The following UTP15 variants were observed in gnomAD, a reference collection of about 807,000 sequenced individuals.
UTP15 encodes U3 small nucleolar RNA-associated protein 15 homolog.
UTP15 carries 5 observed loss-of-function variants against 59.1 expected under a neutral mutation model. The ratio of observed to expected loss-of-function variants is 0.08; its 90% CI spans 0.04 to 0.18. UTP15 has a LOEUF of 0.18. UTP15 is among the 10% of genes least tolerant of loss of function. The pLI, the probability that UTP15 is intolerant of heterozygous loss-of-function variation, is 1.00. For missense variants in UTP15, 494 were observed against 616.7 expected, an observed-to-expected ratio of 0.80 and a Z score of 2.11; for synonymous variants, 211 against 212.2, an observed-to-expected ratio of 0.99 and a Z score of 0.05.
At position 73,572,532 on chromosome 5, in the gene UTP15, A is replaced by G. The variant is rs16870609; in HGVS notation, c.717A>G (p.Gln239=). The G allele has an allele frequency of 4.3e-3, 7,015 of 1,614,154 alleles. 237 individuals carry two copies. In the African/African-American group the frequency reaches 0.078, roughly 18 times the overall value. ...TCTGGGACATGTTAAAAGGAGGACA[A>G]TTGCTAGTATCTTTGAAAAATCATC... ...VKVWDMLKGG[Q]LLVSLKNHHK... is the part of the protein sequence containing the mutation. The change falls in exon 7 of 13, where the codon CAA becomes CAG. Residue 239 remains glutamine, a synonymous_variant. Coordinates refer to ENST00000296792, the MANE Select transcript of UTP15 (RefSeq NM_032175.4).
rs1266315892 is a variant in UTP15 at position 73,579,370 on chromosome 5, T to C, written c.1334T>C (p.Ile445Thr). 1 of 1,605,540 alleles carries C rather than the reference T, an allele frequency of 6.2e-7. No homozygotes were observed. The highest frequency in any genetic ancestry group is 8.5e-7 in the Non-Finnish European group (1 of 1,176,438). The change falls in exon 12 of 13, where the codon ATT becomes ACT. Residue 445 changes from isoleucine to threonine, a missense_variant. By Grantham distance (89) the Ile-to-Thr change is moderately conservative. Transcript: ENST00000296792. ...GTTTTAATCAATGCTGCTGAAATAATTATTGGTAAGTCATTGTTAAAACTT... is the reference window on the plus strand; with the variant it reads ...GTTTTAATCAATGCTGCTGAAATAACTATTGGTAAGTCATTGTTAAAACTT... Reference protein sequence around the residue: ...APVLINAAEIIIDIYLPVIGQ... With the variant: ...APVLINAAEITIDIYLPVIGQ...
chr5:73,579,082 A>C lies in UTP15; in HGVS notation c.1212A>C (p.Gly404=), dbSNP rs343122. ...VSIIKELNRR[G]VLANALAGRD... ...TCATAAAGGAGTTAAATCGAAGAGG[A>C]GTCCTTGCAAATGCGCTTGCAGGTC... is the stretch of plus-strand genomic sequence containing the variant. The change falls in exon 11 of 13, where the codon GGA becomes GGC. Residue 404 remains glycine, a synonymous_variant. Transcript: ENST00000296792. 0.21 allele frequency: 337,534 copies of C among 1,613,698 alleles called. 37,580 individuals are homozygous for C. Among genetic ancestry groups the C allele is most frequent in the Non-Finnish European group, 0.23 (271,151 of 1,179,728 alleles).
At chr5:73,579,758 AAGTAC>A (rs1462161362) in intron 12 of UTP15, 114 bp from the exon 13 acceptor site, 13 of 530,926 alleles carry the variant, frequency 2.4e-5, no homozygotes, top group South Asian at 1.9e-4. Flanking sequence ...ATTATAAAAT[AAGTAC>A]AGATTTTTCA....
intron 7 of UTP15, among the ~76,000 whole-genome samples, chr5:73,572,856 G>T (rs1747980616): frequency 6.6e-6 from 1 of 152,020 alleles, no homozygotes; most frequent in Non-Finnish European, 1.5e-5. Flanking sequence ...GGAGTGCAGT[G>T]GTGCAATCTC....
Position 73,574,776 on chromosome 5 carries a change from G to A in UTP15, c.809+2152G>A, listed in dbSNP as rs140166815. 5.8e-3 allele frequency among the ~76,000 whole-genome samples: 882 copies of A among 152,200 alleles called. 10 individuals are homozygous for A. The highest frequency in any genetic ancestry group is 8.1e-3 in the Non-Finnish European group (548 of 68,006). On this transcript the variant is annotated intron_variant, in intron 7 of 12. Transcript: ENST00000296792. ...TGCTGGATTACTGGCGTGAGCCACC[G>A]TGCCCGGCTTACATGATCTATTTTT...
chr5:73,571,362 A>G (rs1747927287), intron 6 of UTP15, among the ~76,000 whole-genome samples: 1 of 151,800 alleles, frequency 6.6e-6, no homozygotes, highest in Non-Finnish European at 1.5e-5. Flanking sequence ...TGTGGCCTCA[A>G]AAGGGGCCTT....
At position 73,580,616 on chromosome 5, in the gene UTP15, C is replaced by G. The variant is rs536962452; in HGVS notation, c.*522C>G. Reference sequence around the variant, plus strand: ...CTTGATATCTACACTTGTCTTAGATCACATGCCCTGCTTCAGCTGGTAATG... The same window carrying G: ...CTTGATATCTACACTTGTCTTAGATGACATGCCCTGCTTCAGCTGGTAATG... On this transcript the variant is annotated 3_prime_UTR_variant, in exon 13 of 13. Transcript: ENST00000296792. 6.5e-6 allele frequency: 1 copy of G among 152,700 alleles called. No homozygotes were observed. The highest frequency in any genetic ancestry group is 2.4e-5 in the African/African-American group (1 of 41,592). The allele number at this position is 152,700 out of a possible 1,614,324, so 9.5% of individuals were successfully genotyped here.
chr5:73,570,671 T>G lies in UTP15; in HGVS notation c.633T>G (p.Ser211Arg). The G allele has an allele frequency of 6.2e-7, 1 of 1,614,108 alleles. No individual in the cohort carries two copies. Among genetic ancestry groups the G allele is most frequent in the Non-Finnish European group, 8.5e-7 (1 of 1,180,006 alleles). The change falls in exon 6 of 13, where the codon AGT becomes AGG. Residue 211 changes from serine (S) to arginine (R), a missense_variant. Physicochemically the swap from Ser to Arg is moderately radical, Grantham distance 110. Transcript: ENST00000296792. ...LSVEHGQPVE[S>R]VLLFPSGGLL... ...TTGAGCATGGGCAGCCAGTGGAGAGTGTCCTACTTTTCCCCTCTGGAGGTC... is the reference window on the plus strand; with the variant it reads ...TTGAGCATGGGCAGCCAGTGGAGAGGGTCCTACTTTTCCCCTCTGGAGGTC...
intron 8 of UTP15, among the ~76,000 whole-genome samples, chr5:73,577,312 A>C (rs1330313822): frequency 6.6e-6 from 1 of 152,204 alleles, no homozygotes; most frequent in Non-Finnish European, 1.5e-5. Flanking sequence ...ATCTCTCTTC[A>C]ACTCATTTAA....
At chr5:73,576,929 A>G in intron 7 of UTP15, 23 bp from the exon 8 acceptor site, 2 of 1,537,360 alleles carry the variant, frequency 1.3e-6, no homozygotes, top group East Asian at 2.3e-5. Context: ...GTGATTTTTG[A>G]CAAAGCTTTT....
Position 73,568,510 on chromosome 5 carries a change from G to A in UTP15, c.274G>A (p.Gly92Ser). ...ATACTGTGCTACTTTTCGACAAGAT[G>A]GTAGATTGCTTGTGGCTGGCAGTGA... ...TAYCATFRQDGRLLVAGSEDG... is the reference protein window; with the variant it reads ...TAYCATFRQDSRLLVAGSEDG... The change falls in exon 4 of 13, where the codon GGT becomes AGT. Residue 92 changes from glycine (G) to serine (S), a missense_variant. Transcript: ENST00000296792. 6.2e-7 allele frequency: 1 copy of A among 1,614,110 alleles called. No homozygotes were observed. The highest frequency in any genetic ancestry group is 8.5e-7 in the Non-Finnish European group (1 of 1,179,986).
intron 7 of UTP15, among the ~76,000 whole-genome samples, chr5:73,573,288 C>A: frequency 6.8e-6 from 1 of 146,216 alleles, no homozygotes; most frequent in Non-Finnish European, 1.5e-5. Flanking sequence ...TGTTCTGTTG[C>A]CCAGGCTGGT....
chr5:73,578,752 A>G lies in UTP15; in HGVS notation c.1046A>G (p.Asp349Gly). The change falls in exon 10 of 13, where the codon GAT becomes GGT. Residue 349 changes from aspartate to glycine, a missense_variant and splice_region_variant. Physicochemically the swap from Asp to Gly is moderately conservative, Grantham distance 94. Transcript: ENST00000296792. Reference protein sequence around the residue: ...IKGKNYMKQRDDILINRPAKK... With the variant: ...IKGKNYMKQRGDILINRPAKK... ...CTATAAATGTACTTTTCATTGCAGG[A>G]TGACATTTTGATTAACAGGCCAGCA... is the stretch of plus-strand genomic sequence containing the variant. 1 of 1,613,430 alleles carries G rather than the reference A, an allele frequency of 6.2e-7. No individual in the cohort carries two copies.
In UTP15 at chr5:73,572,594, G is replaced by A. The variant is rs778880374; in HGVS notation, c.779G>A (p.Gly260Glu). ...TVTCLCLSSS[G>E]QRLLSGSLDR... is the part of the protein sequence containing the mutation. ...ACATGTTTATGTCTAAGCAGCTCTG[G>A]ACAGAGGTTACTCTCTGGCTCACTG... Residue 260 changes from glycine to glutamate, a missense_variant, in exon 7 of 13, where the codon GGA becomes GAA. Coordinates refer to ENST00000296792, the MANE Select transcript of UTP15 (RefSeq NM_032175.4). 1.2e-6 allele frequency: 2 copies of A among 1,614,054 alleles called. No individual in the cohort carries two copies. Among genetic ancestry groups the A allele is most frequent in the Non-Finnish European group, 1.7e-6 (2 of 1,180,006 alleles).
intron 12 of UTP15, 23 bp from the exon 13 acceptor site, chr5:73,579,854 G>T: frequency 6.6e-7 from 1 of 1,506,630 alleles, no homozygotes; most frequent in Non-Finnish European, 9.0e-7. Context: ...GCTAGTTAAT[G>T]TGTTTTCTTT....
At chr5:73,567,201 G>A (rs1747801562) in intron 1 of UTP15, 61 bp from the exon 2 acceptor site, 1 of 451,098 alleles carries the variant, frequency 2.2e-6, no homozygotes, top group South Asian at 5.1e-5. Context: ...AAAGAAAGCA[G>A]AGTGAAAATC....
intron 8 of UTP15, among the ~76,000 whole-genome samples, chr5:73,577,417 T>C (rs1188815273): frequency 6.6e-6 from 1 of 152,216 alleles, no homozygotes. Context: ...AAATATCTCC[T>C]TTTCTTTGTT....
intron 4 of UTP15, among the ~76,000 whole-genome samples, 166 bp downstream of exon 4, chr5:73,568,770 C>G (rs1182754643): frequency 6.6e-6 from 1 of 152,140 alleles, no homozygotes; most frequent in Non-Finnish European, 1.5e-5. Context: ...GTTCCGTGGT[C>G]CAGTTTCATG....
rs1245761118 is a variant in UTP15, at chr5:73,582,886, A to G, written c.*2792A>G. On this transcript the variant is annotated 3_prime_UTR_variant, in exon 13 of 13. Transcript: ENST00000296792. ...GTCTGCAAAAGTACTGAAATGTTTC[A>G]GAGAACTTGGAAAGTCACCGTATGT... The G allele has an allele frequency of 1.3e-5, 2 of 152,228 alleles. No individual in the cohort carries two copies. Among genetic ancestry groups the G allele is most frequent in the Non-Finnish European group, 2.9e-5 (2 of 68,042 alleles). The allele number at this position is 152,228 out of a possible 1,614,324, so 9.4% of individuals were successfully genotyped here. A position where few individuals can be genotyped will look rare whatever the true frequency, so the allele number is the denominator to read the frequency against.
Sources: allele counts gnomAD v4.1 joint callset (sites outside exome capture counted in the v4.1 genomes callset), GRCh38; gene constraint gnomAD v4.1.1; transcripts MANE v1.5; gene names NCBI Gene and HGNC (gene_info 2026-07-23, HGNC 2026-07-21).